SEMA3E: variants seen among roughly 807,000 people sequenced by gnomAD.
SEMA3E encodes the protein semaphorin-3E.
In SEMA3E, 49 loss-of-function variants were observed where a neutral mutation model predicts 93.6. That is an observed-to-expected ratio of 0.52 (90% CI 0.42 to 0.66). The LOEUF is 0.66. Among genes scored for constraint, SEMA3E ranks in the 30% least tolerant of loss-of-function variants. The pLI is 0.00. For missense variants in SEMA3E, 906 were observed against 964.8 expected, an observed-to-expected ratio of 0.94 and a Z score of 0.81; for synonymous variants, 363 against 330.7, an observed-to-expected ratio of 1.10 and a Z score of -1.06.
At chr7:83,599,898 C>T (rs1792948502) in intron 1 of SEMA3E, among the ~76,000 whole-genome samples, 1 of 152,152 alleles carries the variant, frequency 6.6e-6, no homozygotes, top group Non-Finnish European at 1.5e-5. Flanking sequence ...AGGCGGAACC[C>T]ATGTGTACAT....
At position 83,392,667 on chromosome 7, in the gene SEMA3E, A is replaced by T; in HGVS notation, c.1555T>A (p.Cys519Ser). The T allele has an allele frequency of 6.2e-7, 1 of 1,613,932 alleles. No homozygotes were observed. The highest frequency in any genetic ancestry group is 8.5e-7 in the Non-Finnish European group (1 of 1,179,904). Residue 519 changes from cysteine to serine, a missense_variant, in exon 14 of 17, where the codon TGT (cysteine) becomes AGT (serine). Coordinates refer to ENST00000643230, the MANE Select transcript of SEMA3E (RefSeq NM_012431.3). The stretch of plus-strand genomic sequence containing the variant: ...GCACAAGCACTTCCATACATGTCAC[A>T]GTGATGGAATCTGACTTGAGCCACA... ...SAVAQVRFHH[C>S]DMYGSACADC... is the part of the protein sequence containing the mutation.
At chr7:83,501,453 CT>C (rs1000841910) in intron 1 of SEMA3E, among the ~76,000 whole-genome samples, 2 of 151,992 alleles carry the variant, frequency 1.3e-5, no homozygotes, top group South Asian at 2.1e-4. Context: ...CTATCATCTA[CT>C]TTTTTTTGTT....
intron 1 of SEMA3E, among the ~76,000 whole-genome samples, chr7:83,599,374 A>G (rs948272631): frequency 3.3e-5 from 5 of 152,206 alleles, no homozygotes; most frequent in Non-Finnish European, 7.3e-5. Context: ...CTATGTGAAT[A>G]TAAGACACAG....
At chr7:83,513,451 T>C (rs1189164312) in intron 1 of SEMA3E, among the ~76,000 whole-genome samples, 3 of 152,190 alleles carry the variant, frequency 2.0e-5, no homozygotes, top group East Asian at 3.8e-4. Context: ...TTTCTAAAAG[T>C]AGAGTATTAA....
In SEMA3E at chr7:83,646,905, C is replaced by T. The variant is rs548539795; in HGVS notation, c.115+1523G>A. 3.5e-4 allele frequency among the ~76,000 whole-genome samples: 53 copies of T among 152,024 alleles called. 1 individual carries two copies. In the South Asian group the frequency reaches 0.011, roughly 30 times the overall value. On this transcript the variant is annotated intron_variant, in intron 1 of 16. Transcript: ENST00000643230. ...AATACTAGATATAACAGAATTGTAG[C>T]TTGCAAAAACTGGCAGCTTATCTAC...
intron 2 of SEMA3E, among the ~76,000 whole-genome samples, chr7:83,485,348 A>G (rs1397505374): frequency 6.6e-6 from 1 of 152,180 alleles, no homozygotes; most frequent in East Asian, 1.9e-4. Flanking sequence ...TCAAAGAGGA[A>G]TAATATTTAT....
At chr7:83,386,321 CTTATTA>C (rs1249133528) in intron 15 of SEMA3E, among the ~76,000 whole-genome samples, 1 of 152,048 alleles carries the variant, frequency 6.6e-6, no homozygotes, top group African/African-American at 2.4e-5. Flanking sequence ...GGTGTCCCTT[CTTATTA>C]TTACTTCCTA....
chr7:83,634,996 A>G (rs981794434), intron 1 of SEMA3E, among the ~76,000 whole-genome samples: 1 of 152,070 alleles, frequency 6.6e-6, no homozygotes, highest in African/African-American at 2.4e-5. Context: ...CTAAGAATAT[A>G]CCATATGGTT....
chr7:83,627,680 T>C (rs2115659151), intron 1 of SEMA3E, among the ~76,000 whole-genome samples: 1 of 129,564 alleles, frequency 7.7e-6, no homozygotes, highest in African/African-American at 2.8e-5. Context: ...TAAATCTTCC[T>C]ACAACCCTTT....
intron 1 of SEMA3E, among the ~76,000 whole-genome samples, chr7:83,535,770 T>TTCTAAG (rs1439802525): frequency 6.6e-6 from 1 of 152,044 alleles, no homozygotes; most frequent in Non-Finnish European, 1.5e-5. Flanking sequence ...AGAAAGATCT[T>TTCTAAG]CACCACATGC....
intron 16 of SEMA3E, among the ~76,000 whole-genome samples, chr7:83,374,015 T>G (rs1211383668): frequency 2.6e-5 from 4 of 151,932 alleles, no homozygotes; most frequent in Non-Finnish European, 2.9e-5. Flanking sequence ...GAGACCAGCA[T>G]GACCAACATG....
In SEMA3E at chr7:83,526,628, C is replaced by T. The variant is rs147980313; in HGVS notation, c.116-36354G>A. On this transcript the variant is annotated intron_variant, in intron 1 of 16. Coordinates refer to ENST00000643230, the MANE Select transcript of SEMA3E (RefSeq NM_012431.3). ...GTGCCTTTGTGGGATTAAGATTTGG[C>T]CACCTCGGTTCTGCCAAATCAATTA... Among the ~76,000 whole-genome samples, 49 of 152,190 alleles carry T rather than the reference C, an allele frequency of 3.2e-4. No individual in the cohort carries two copies. In the East Asian group the frequency reaches 4.8e-3, roughly 15 times the overall value.
chr7:83,404,605 AAAT>A (rs1423409718), intron 9 of SEMA3E, among the ~76,000 whole-genome samples: 2 of 152,044 alleles, frequency 1.3e-5, no homozygotes, highest in African/African-American at 4.8e-5. Flanking sequence ...AAAATATATG[AAAT>A]AATATTTTAT....
chr7:83,491,414 A>ATCTATATC (rs1790382307), intron 1 of SEMA3E, among the ~76,000 whole-genome samples: 2 of 151,924 alleles, frequency 1.3e-5, no homozygotes, highest in Admixed American at 6.6e-5. Context: ...TATATTCCTT[A>ATCTATATC]TCTATATCTC....
chr7:83,521,527 G>T (rs1791049152), intron 1 of SEMA3E, among the ~76,000 whole-genome samples: 1 of 152,068 alleles, frequency 6.6e-6, no homozygotes, highest in Non-Finnish European at 1.5e-5. Context: ...CTGGCATATG[G>T]TACTGTTTTA....
chr7:83,614,339 G>A (rs1475485404), intron 1 of SEMA3E, among the ~76,000 whole-genome samples: 3 of 152,098 alleles, frequency 2.0e-5, no homozygotes, highest in African/African-American at 7.2e-5. Context: ...AAATATAACA[G>A]ATGCTGTGTT....
chr7:83,549,762 A>G lies in SEMA3E; in HGVS notation c.116-59488T>C, dbSNP rs529569470. Among the ~76,000 whole-genome samples the G allele has an allele frequency of 2.6e-5, 4 of 152,182 alleles. No homozygotes were observed. The South Asian group carries it at 8.3e-4, about 32-fold the overall frequency. On this transcript the variant is annotated intron_variant, in intron 1 of 16. Transcript: ENST00000643230. ...TATACTAAAAGTTCTAGGCTTCCTCATGAGTGTCAGCAACATGAGTGCTTT... is the reference window on the plus strand; with the variant it reads ...TATACTAAAAGTTCTAGGCTTCCTCGTGAGTGTCAGCAACATGAGTGCTTT...
chr7:83,570,324 C>T (rs543294848), intron 1 of SEMA3E, among the ~76,000 whole-genome samples: 55 of 151,520 alleles, frequency 3.6e-4, no homozygotes, highest in East Asian at 7.8e-4. Context: ...GAGGCCGAGG[C>T]GGGCGGATCA....
At chr7:83,489,772 G>A (rs879321367) in intron 2 of SEMA3E, among the ~76,000 whole-genome samples, 2 of 151,996 alleles carry the variant, frequency 1.3e-5, no homozygotes, top group Non-Finnish European at 2.9e-5. Flanking sequence ...TTGCGCTTTG[G>A]AATAATAAAG....
Sources: gnomAD v4.1 joint callset for allele counts (sites outside exome capture counted in the v4.1 genomes callset) on GRCh38, gnomAD v4.1.1 for gene constraint, MANE v1.5 for transcripts, NCBI Gene and HGNC (gene_info 2026-07-23, HGNC 2026-07-21) for gene names.